Variants in PLXNC1 observed in about 807,000 individuals in gnomAD.
The protein encoded by PLXNC1 is plexin C1.
PLXNC1 carries 75 observed loss-of-function variants against 178.2 expected under a neutral mutation model. The observed-to-expected ratio is 0.42, with a 90% CI of 0.35 to 0.51. PLXNC1 has a LOEUF of 0.51. PLXNC1 is among the 20% of genes least tolerant of loss of function. The probability of loss-of-function intolerance (pLI) is 0.02; values close to 1 mark genes in which losing one functional copy is unlikely to be tolerated. For synonymous variants in PLXNC1, 790 were observed against 779.9 expected (o/e 1.01, Z -0.22); for missense variants, 1,503 against 1,984.4 (o/e 0.76, Z 4.61).
chr12:94,233,425 C>T (rs576755452), intron 9 of PLXNC1, among the ~76,000 whole-genome samples: 1 of 152,324 alleles, frequency 6.6e-6, no homozygotes, highest in African/African-American at 2.4e-5. Context: ...TCTGGGGAGC[C>T]ACACTCAGAA....
chr12:94,183,418 C>T (rs1459765980), intron 3 of PLXNC1, among the ~76,000 whole-genome samples: 1 of 152,202 alleles, frequency 6.6e-6, no homozygotes, highest in African/African-American at 2.4e-5. Flanking sequence ...TGTTTCTTCC[C>T]TGGGGATCCC....
At position 94,209,698 on chromosome 12, in the gene PLXNC1, A is replaced by G; in HGVS notation, c.1548A>G (p.Lys516=). The change falls in exon 5 of 31, where the codon AAA becomes AAG. Residue 516 remains lysine (K), a synonymous_variant. Transcript: ENST00000258526. The part of the protein sequence containing the change: ...CPKIQIIRSS[K]EKTTVTMVGS... ...AAATTCAGATAATTCGAAGCAGTAA[A>G]GAAAAGGTAAGAGGAAAGATTTTAA... The G allele has an allele frequency of 6.4e-7, 1 of 1,573,910 alleles. No homozygotes were observed. The highest frequency in any genetic ancestry group is 8.7e-7 in the Non-Finnish European group (1 of 1,143,544).
At chr12:94,254,041 C>T (rs761915994) in intron 15 of PLXNC1, among the ~76,000 whole-genome samples, 1 of 152,158 alleles carries the variant, frequency 6.6e-6, no homozygotes, top group Non-Finnish European at 1.5e-5. Context: ...AATACCTATA[C>T]TTTTTTAAAC....
At chr12:94,221,748 G>C (rs1213742735) in intron 6 of PLXNC1, among the ~76,000 whole-genome samples, 1 of 152,190 alleles carries the variant, frequency 6.6e-6, no homozygotes, top group Non-Finnish European at 1.5e-5. Flanking sequence ...CTTGGCCTCT[G>C]ACTTCGCAGA....
intron 5 of PLXNC1, among the ~76,000 whole-genome samples, chr12:94,218,267 T>C (rs761109007): frequency 5.3e-5 from 8 of 152,192 alleles, no homozygotes; most frequent in East Asian, 1.9e-4. Context: ...ACTTGCCTTC[T>C]TCCAGCATGA....
chr12:94,220,761 G>C (rs769021110), intron 6 of PLXNC1, among the ~76,000 whole-genome samples: 6 of 152,236 alleles, frequency 3.9e-5, no homozygotes, highest in Admixed American at 6.5e-5. Context: ...ACATGGTGGA[G>C]GGGGAAGGGG....
At chr12:94,186,606 T>C in intron 4 of PLXNC1, 133 bp downstream of exon 4, 2 of 645,468 alleles carry the variant, frequency 3.1e-6, no homozygotes, top group Non-Finnish European at 2.8e-6. Context: ...TAAAATCTTG[T>C]TGTGCAATCC....
chr12:94,265,650 A>G (rs1000881326), intron 21 of PLXNC1, among the ~76,000 whole-genome samples: 3 of 152,170 alleles, frequency 2.0e-5, no homozygotes, highest in African/African-American at 7.2e-5. Context: ...ACACAAGACA[A>G]ATTCCACCAC....
chr12:94,149,181 C>A lies in PLXNC1; in HGVS notation c.210C>A (p.Tyr70Ter). The change falls in exon 1 of 31, where the codon TAC becomes TAA. Residue 70 changes from tyrosine (Y) to a stop codon, truncating the protein, a stop_gained. Coordinates refer to ENST00000258526, the MANE Select transcript of PLXNC1 (RefSeq NM_005761.3). LOFTEE classifies it high-confidence loss of function. ...GCAGCTGCCTGGACCAGCTGGACTA[C>A]AGCCTGGAGCACAGCCTCTCGCGCC... ...ASGSCLDQLD[Y>*]SLEHSLSRLY... 6.3e-7 allele frequency: 1 copy of A among 1,589,854 alleles called. No homozygotes were observed. Among genetic ancestry groups the A allele is most frequent in the Non-Finnish European group, 8.5e-7 (1 of 1,172,128 alleles).
intron 4 of PLXNC1, among the ~76,000 whole-genome samples, chr12:94,207,948 G>A (rs2135999379): frequency 1.3e-5 from 2 of 152,214 alleles, no homozygotes; most frequent in East Asian, 3.9e-4. Flanking sequence ...ATAGGCAGAG[G>A]AAGTGCCTTA....
intron 5 of PLXNC1, among the ~76,000 whole-genome samples, chr12:94,212,686 G>A (rs1412581122): frequency 4.6e-5 from 7 of 151,426 alleles, no homozygotes. Context: ...AGTATTCCAT[G>A]GTGTATAGGT....
chr12:94,159,895 A>G (rs946753926), intron 1 of PLXNC1, among the ~76,000 whole-genome samples: 8 of 152,188 alleles, frequency 5.3e-5, no homozygotes, highest in African/African-American at 1.9e-4. Flanking sequence ...TATTGCAATC[A>G]TTCAACTGAG....
At chr12:94,165,305 C>T (rs994067954) in intron 1 of PLXNC1, among the ~76,000 whole-genome samples, 1 of 152,194 alleles carries the variant, frequency 6.6e-6, no homozygotes, top group African/African-American at 2.4e-5. Context: ...TTTTCATTTG[C>T]TGCAATAAGC....
chr12:94,184,445 AAC>A (rs1178981769), intron 3 of PLXNC1, among the ~76,000 whole-genome samples: 1 of 141,202 alleles, frequency 7.1e-6, no homozygotes, highest in Non-Finnish European at 1.5e-5. Context: ...TTTTTTTTGA[AAC>A]AGAGTCTCAC....
intron 11 of PLXNC1, among the ~76,000 whole-genome samples, chr12:94,242,341 C>T (rs943519077): frequency 1.6e-5 from 2 of 128,662 alleles, no homozygotes; most frequent in Non-Finnish European, 3.2e-5. Context: ...GACAGTCTCA[C>T]TCTGTCACCC....
intron 2 of PLXNC1, among the ~76,000 whole-genome samples, chr12:94,169,741 C>T (rs1961769667): frequency 6.6e-6 from 1 of 152,186 alleles, no homozygotes; most frequent in African/African-American, 2.4e-5. Flanking sequence ...TTCCCTCCAG[C>T]CCACTTACCA....
At chr12:94,195,657 T>C (rs1962887929) in intron 4 of PLXNC1, among the ~76,000 whole-genome samples, 1 of 152,200 alleles carries the variant, frequency 6.6e-6, no homozygotes, top group African/African-American at 2.4e-5. Context: ...TACATGTTTC[T>C]TCCATGTTGA....
chr12:94,238,526 T>C (rs1026046963), intron 10 of PLXNC1, among the ~76,000 whole-genome samples: 2 of 151,974 alleles, frequency 1.3e-5, no homozygotes, highest in Admixed American at 6.6e-5. Flanking sequence ...AGTTATTAAA[T>C]AACACAACAG....
intron 4 of PLXNC1, among the ~76,000 whole-genome samples, chr12:94,199,487 T>C (rs1963042369): frequency 6.6e-6 from 1 of 152,182 alleles, no homozygotes; most frequent in Non-Finnish European, 1.5e-5. Flanking sequence ...CCTTTGGGCC[T>C]CAGGGAATTA....
Sources: gnomAD v4.1 joint callset for allele counts (sites outside exome capture counted in the v4.1 genomes callset) on GRCh38, gnomAD v4.1.1 for gene constraint, MANE v1.5 for transcripts, NCBI Gene and HGNC (gene_info 2026-07-23, HGNC 2026-07-21) for gene names.